Variants in DOCK8 observed in about 807,000 individuals in gnomAD.
The protein encoded by DOCK8 is dedicator of cytokinesis 8, also known as dedicator of cytokinesis protein 8.
Under a neutral mutation model 245.6 loss-of-function variants are expected in DOCK8, and 141 were observed. The observed-to-expected ratio is 0.57, with a 90% CI of 0.50 to 0.66. DOCK8 has a LOEUF of 0.66. Among genes scored for constraint, DOCK8 ranks in the 30% least tolerant of loss-of-function variants. The pLI is 0.00. For missense variants in DOCK8, 2,965 were observed against 2,603.4 expected (o/e 1.14, Z -3.02); for synonymous variants, 1,168 against 970.2 (o/e 1.20, Z -3.79).
intron 32 of DOCK8, among the ~76,000 whole-genome samples, chr9:421,325 C>G (rs186261914): frequency 2.0e-5 from 3 of 152,156 alleles, no homozygotes; most frequent in Non-Finnish European, 2.9e-5. Flanking sequence ...AATTAAAACT[C>G]GTTGATGGTA....
intron 9 of DOCK8, among the ~76,000 whole-genome samples, chr9:329,275 C>G (rs1163251747): frequency 6.6e-6 from 1 of 152,064 alleles, no homozygotes; most frequent in African/African-American, 2.4e-5. Flanking sequence ...AAAAACAAAA[C>G]AACAAATTCA....
chr9:372,981 A>G (rs2053364020), intron 18 of DOCK8, among the ~76,000 whole-genome samples: 1 of 152,154 alleles, frequency 6.6e-6, no homozygotes, highest in Non-Finnish European at 1.5e-5. Context: ...CCTGGCCAAC[A>G]TGGTGAAACT....
intron 26 of DOCK8, among the ~76,000 whole-genome samples, chr9:401,295 A>T (rs773126858): frequency 6.6e-6 from 1 of 152,216 alleles, no homozygotes; most frequent in East Asian, 1.9e-4. Flanking sequence ...CAGCACTTGG[A>T]CAGGGTTACA....
chr9:448,108 C>G (rs771833483), intron 44 of DOCK8, among the ~76,000 whole-genome samples: 7 of 151,486 alleles, frequency 4.6e-5, no homozygotes, highest in Non-Finnish European at 1.0e-4. Flanking sequence ...CTCTCTTTTT[C>G]ATTTTTGAGA....
chr9:248,555 C>G (rs10966106), intron 1 of DOCK8, among the ~76,000 whole-genome samples: 5 of 89,552 alleles, frequency 5.6e-5, no homozygotes, highest in East Asian at 8.5e-4. Flanking sequence ...CTTTCTCTCT[C>G]TCTCTCTTTC....
chr9:412,126 G>C (rs2055758355), intron 28 of DOCK8, among the ~76,000 whole-genome samples: 1 of 152,156 alleles, frequency 6.6e-6, no homozygotes, highest in Admixed American at 6.5e-5. Flanking sequence ...ATCTAGGCCA[G>C]GCGTGGTGGC....
At chr9:412,116 A>G (rs561727182) in intron 28 of DOCK8, among the ~76,000 whole-genome samples, 17 of 152,246 alleles carry the variant, frequency 1.1e-4, no homozygotes, top group African/African-American at 3.9e-4. Flanking sequence ...AACAAAAGAC[A>G]TCTAGGCCAG....
chr9:234,359 C>G (rs2047197255), intron 1 of DOCK8, among the ~76,000 whole-genome samples: 1 of 152,180 alleles, frequency 6.6e-6, no homozygotes, highest in Non-Finnish European at 1.5e-5. Flanking sequence ...TTTGGTGAAT[C>G]TGACAATTAT....
intron 20 of DOCK8, among the ~76,000 whole-genome samples, chr9:378,388 C>T (rs370652842): frequency 1.3e-5 from 2 of 152,212 alleles, no homozygotes; most frequent in East Asian, 3.9e-4. Context: ...AACAGAAGCA[C>T]GTGTGGAAGT....
intron 26 of DOCK8, among the ~76,000 whole-genome samples, chr9:399,994 A>C (rs1175849755): frequency 6.2e-5 from 5 of 80,842 alleles, no homozygotes; most frequent in African/African-American, 1.5e-4. Context: ...ACCTCCCACC[A>C]CCTCCACCAC....
chr9:285,940 C>G (rs1057272954), intron 2 of DOCK8, among the ~76,000 whole-genome samples: 1 of 152,118 alleles, frequency 6.6e-6, no homozygotes, highest in Non-Finnish European at 1.5e-5. Context: ...ACTCGGTGTT[C>G]ACTGTCAGCT....
chr9:414,546 T>A (rs1270597370), intron 28 of DOCK8, among the ~76,000 whole-genome samples: 2 of 152,028 alleles, frequency 1.3e-5, no homozygotes, highest in Non-Finnish European at 2.9e-5. Flanking sequence ...TTTCCAGGGT[T>A]AGAACACAGG....
chr9:307,732 G>C (rs535533871), intron 5 of DOCK8, among the ~76,000 whole-genome samples: 2 of 152,172 alleles, frequency 1.3e-5, no homozygotes, highest in East Asian at 3.9e-4. Flanking sequence ...CCAGAGGAAA[G>C]GATATCAGTA....
intron 14 of DOCK8, among the ~76,000 whole-genome samples, chr9:357,140 GC>G (rs933360970): frequency 3.3e-5 from 5 of 152,156 alleles, no homozygotes; most frequent in African/African-American, 1.2e-4. Context: ...TTGAGGGTCT[GC>G]TTTATTTAGC....
At position 286,362 on chromosome 9, in the gene DOCK8, C is replaced by G. The variant is rs145755735; in HGVS notation, c.157-99C>G. 3.3e-5 allele frequency: 46 copies of G among 1,389,794 alleles called. No homozygotes were observed. The Admixed American group carries it at 9.1e-4, about 27-fold the overall frequency. The allele number at this position is 1,389,794 out of a possible 1,614,324, so 86.1% of individuals were successfully genotyped here. A position where few individuals can be genotyped will look rare whatever the true frequency, so the allele number is the denominator to read the frequency against. ...TTTTATGCCAGGAGCGAAGTACTTA[C>G]TAAGTCAAAGGAAAGCAAGGCAAAC... is the stretch of plus-strand genomic sequence containing the variant. On this transcript the variant is annotated intron_variant, in intron 2 of 47. Coordinates refer to ENST00000432829, the MANE Select transcript of DOCK8 (RefSeq NM_203447.4).
At position 446,538 on chromosome 9, in the gene DOCK8, A is replaced by G. The variant is rs763879059; in HGVS notation, c.5749A>G (p.Thr1917Ala). The change falls in exon 44 of 48, where the codon ACA becomes GCA. Residue 1917 changes from threonine to alanine, a missense_variant. Transcript: ENST00000432829. ...GCTGCATGAGCAGTACAGAAGGAAC[A>G]CAGTCCTGACCACTATGCACGCCTT... ...GELHEQYRRN[T>A]VLTTMHAFPY... The G allele has an allele frequency of 1.2e-6, 2 of 1,614,216 alleles. No homozygotes were observed. The highest frequency in any genetic ancestry group is 3.3e-5 in the Admixed American group (2 of 60,028).
intron 46 of DOCK8, among the ~76,000 whole-genome samples, chr9:455,863 A>C (rs1200262933): frequency 6.6e-6 from 1 of 152,154 alleles, no homozygotes; most frequent in Non-Finnish European, 1.5e-5. Flanking sequence ...AAAAAAAAGC[A>C]AACATGCTCA....
chr9:364,218 A>C lies in DOCK8; in HGVS notation c.1680-3800A>C, dbSNP rs1192082692. Among the ~76,000 whole-genome samples, 3 of 152,364 alleles carry C rather than the reference A, an allele frequency of 2.0e-5. No homozygotes were observed. The East Asian group carries it at 5.8e-4, about 29-fold the overall frequency. ...ATATTATGGCATATTCAGAATATGC[A>C]ATACCATGCACCCATTAAAATCATG... On this transcript the variant is annotated intron_variant, in intron 14 of 47. Coordinates refer to ENST00000432829, the MANE Select transcript of DOCK8 (RefSeq NM_203447.4).
intron 1 of DOCK8, among the ~76,000 whole-genome samples, chr9:249,365 G>GA (rs2047594205): frequency 1.3e-5 from 2 of 152,170 alleles, no homozygotes; most frequent in South Asian, 4.1e-4. Flanking sequence ...AAAGATAAAT[G>GA]AAAAGAGGAA....
Sources: allele counts gnomAD v4.1 joint callset (sites outside exome capture counted in the v4.1 genomes callset), GRCh38; gene constraint gnomAD v4.1.1; transcripts MANE v1.5; gene names NCBI Gene and HGNC (gene_info 2026-07-23, HGNC 2026-07-21).